The following TAS2R1 variants were observed in gnomAD, a reference collection of about 807,000 sequenced individuals.
The protein encoded by TAS2R1 is taste 2 receptor member 1.
For synonymous variants in TAS2R1, 141 were observed against 134.2 expected (o/e 1.05, Z -0.35); for missense variants, 370 against 353.4 (o/e 1.05, Z -0.38).
chr5:9,691,961 G>C (rs1414828411), intron 1 of TAS2R1, among the ~76,000 whole-genome samples: 1 of 152,106 alleles, frequency 6.6e-6, no homozygotes, highest in Non-Finnish European at 1.5e-5. Flanking sequence ...TTGCACTTTG[G>C]GTTCAAATTA....
chr5:9,670,034 T>C (rs1476987341), intron 1 of TAS2R1, among the ~76,000 whole-genome samples: 1 of 151,562 alleles, frequency 6.6e-6, no homozygotes, highest in African/African-American at 2.4e-5. Flanking sequence ...AGAGAGAAGA[T>C]AAAAATAAAC....
intron 1 of TAS2R1, among the ~76,000 whole-genome samples, chr5:9,666,317 T>C (rs1483457046): frequency 6.6e-6 from 1 of 152,156 alleles, no homozygotes; most frequent in Non-Finnish European, 1.5e-5. Context: ...AGAGCTGACA[T>C]AACAATAGAT....
chr5:9,779,092 T>C, the TAS2R1 span, among the ~76,000 whole-genome samples: 501 of 152,306 alleles, frequency 3.3e-3, 4 homozygotes, highest in African/African-American at 0.012. Context: ...GTTTGGGCCA[T>C]GGTGGCATAT....
chr5:9,842,194 T>A, the TAS2R1 span, among the ~76,000 whole-genome samples: 20 of 152,104 alleles, frequency 1.3e-4, no homozygotes, highest in Non-Finnish European at 2.5e-4. Flanking sequence ...TTTTGGTGTG[T>A]CTCATAATTT....
chr5:9,862,507 G>C, the TAS2R1 span, among the ~76,000 whole-genome samples: 1 of 152,034 alleles, frequency 6.6e-6, no homozygotes, highest in African/African-American at 2.4e-5. Context: ...CCTATTCCCT[G>C]GATAAGGAGA....
chr5:9,629,906 G>C lies in TAS2R1; in HGVS notation c.127C>G (p.Pro43Ala), dbSNP rs1393612105. The C allele has an allele frequency of 4.3e-6, 7 of 1,614,000 alleles. No homozygotes were observed. The Admixed American group carries it at 1.2e-4, about 27-fold the overall frequency. The change falls in exon 1 of 1, where the codon CCG (proline) becomes GCG (alanine). Residue 43 changes from proline to alanine, a missense_variant. By Grantham distance (27) the Pro-to-Ala change is conservative. Transcript: ENST00000382492. ...IDLIKHRKMA[P>A]LDLLLSCLAV... ...AGACAAGAAAGAAGGAGATCCAGCG[G>C]AGCCATTTTTCTGTGCTTGATCAAG...
chr5:9,736,246 T>A, the TAS2R1 span, among the ~76,000 whole-genome samples: 2 of 152,254 alleles, frequency 1.3e-5, no homozygotes, highest in Non-Finnish European at 2.9e-5. Context: ...GAGATTTCAA[T>A]CTTCTCAGCC....
chr5:9,869,936 G>C, the TAS2R1 span, among the ~76,000 whole-genome samples: 5 of 151,978 alleles, frequency 3.3e-5, no homozygotes, highest in Non-Finnish European at 7.4e-5. Flanking sequence ...ATTTAGACTT[G>C]GACATATTAA....
At chr5:9,895,509 C>T in the TAS2R1 span, among the ~76,000 whole-genome samples, 1 of 152,190 alleles carries the variant, frequency 6.6e-6, no homozygotes, top group Non-Finnish European at 1.5e-5. Flanking sequence ...ATAGCGCTGC[C>T]TCAAAAAGCC....
At chr5:9,898,859 G>A in the TAS2R1 span, among the ~76,000 whole-genome samples, 3 of 152,104 alleles carry the variant, frequency 2.0e-5, no homozygotes, top group East Asian at 1.9e-4. Context: ...ACGATCATGC[G>A]CACCACCCAT....
the TAS2R1 span, among the ~76,000 whole-genome samples, chr5:9,787,242 A>G: frequency 6.6e-6 from 1 of 152,212 alleles, no homozygotes; most frequent in Admixed American, 6.5e-5. Flanking sequence ...AGTATTGAGA[A>G]ATTTATCATC....
At chr5:9,698,861 T>G (rs941142114) in intron 1 of TAS2R1, among the ~76,000 whole-genome samples, 3 of 152,204 alleles carry the variant, frequency 2.0e-5, no homozygotes, top group Admixed American at 2.0e-4. Context: ...AATAATTTTG[T>G]CCATGCTGTT....
At chr5:9,882,263 G>A in the TAS2R1 span, among the ~76,000 whole-genome samples, 1 of 152,112 alleles carries the variant, frequency 6.6e-6, no homozygotes. Context: ...CTCAACATCA[G>A]TGATCATTAG....
chr5:9,767,169 C>T, the TAS2R1 span, among the ~76,000 whole-genome samples: 64 of 152,122 alleles, frequency 4.2e-4, no homozygotes, highest in Admixed American at 3.3e-3. Flanking sequence ...AAATTTGTTC[C>T]TTTCATCGTT....
chr5:9,895,097 A>G, the TAS2R1 span, among the ~76,000 whole-genome samples: 1 of 152,086 alleles, frequency 6.6e-6, no homozygotes, highest in African/African-American at 2.4e-5. Context: ...CTCACTCTCT[A>G]CCTTATACCA....
At chr5:9,772,125 GATGTAGGCACTT>G in the TAS2R1 span, among the ~76,000 whole-genome samples, 2 of 151,758 alleles carry the variant, frequency 1.3e-5, no homozygotes, top group Non-Finnish European at 2.9e-5. Flanking sequence ...CTTCTTTCCT[GATGTAGGCACTT>G]ACAGCTATAA....
At chr5:9,902,812 C>T in the TAS2R1 span, 1 of 151,808 alleles carries the variant, frequency 6.6e-6, no homozygotes. Flanking sequence ...CCATACCCCT[C>T]ACCACCTTTG....
intron 1 of TAS2R1, among the ~76,000 whole-genome samples, chr5:9,706,104 T>A (rs558035753): frequency 1.1e-4 from 16 of 152,330 alleles, no homozygotes; most frequent in African/African-American, 3.4e-4. Flanking sequence ...CTGATCTCCA[T>A]CAGAACTGAG....
intron 1 of TAS2R1, among the ~76,000 whole-genome samples, chr5:9,668,873 C>A (rs1240919494): frequency 1.3e-5 from 2 of 151,832 alleles, no homozygotes; most frequent in Non-Finnish European, 2.9e-5. Flanking sequence ...TGCATAATAA[C>A]CAGCTAACAA....
Sources: gnomAD v4.1 joint callset for allele counts (sites outside exome capture counted in the v4.1 genomes callset) on GRCh38, gnomAD v4.1.1 for gene constraint, MANE v1.5 for transcripts, NCBI Gene and HGNC (gene_info 2026-07-23, HGNC 2026-07-21) for gene names.